OR52N4: variants seen among roughly 807,000 people sequenced by gnomAD.
OR52N4 encodes the protein olfactory receptor family 52 subfamily N member 4.
OR52N4 carries 15 observed loss-of-function variants against 15.0 expected under a neutral mutation model. The observed-to-expected ratio is 1.00, with a 90% CI of 0.67 to 1.54. The LOEUF (loss-of-function observed/expected upper bound fraction) is 1.54. Among genes scored for constraint, OR52N4 ranks in the 40% most tolerant of loss-of-function variants. The probability of loss-of-function intolerance (pLI) is 0.00; values close to 1 mark genes in which losing one functional copy is unlikely to be tolerated. For missense variants in OR52N4, 421 were observed against 394.0 expected (o/e 1.07, Z -0.58); for synonymous variants, 143 against 143.7 (o/e 1.00, Z 0.03).
At chr11:5,731,465 T>C in the OR52N4 span, among the ~76,000 whole-genome samples, 1 of 152,208 alleles carries the variant, frequency 6.6e-6, no homozygotes, top group Non-Finnish European at 1.5e-5. Flanking sequence ...GTTGTGTACG[T>C]CTCAGAATTG....
the OR52N4 span, among the ~76,000 whole-genome samples, chr11:5,729,544 T>C: frequency 6.6e-6 from 1 of 152,354 alleles, no homozygotes; most frequent in East Asian, 1.9e-4. Flanking sequence ...ACCCCAACTG[T>C]GTAACAATCT....
upstream of OR52N4, among the ~76,000 whole-genome samples, chr11:5,753,495 A>G (rs1854229879): frequency 6.6e-6 from 1 of 152,096 alleles, no homozygotes; most frequent in African/African-American, 2.4e-5. Flanking sequence ...AGTACTTTAT[A>G]TATTTTCTGT....
the OR52N4 span, chr11:5,736,673 C>T: frequency 2.5e-6 from 4 of 1,613,868 alleles, no homozygotes; most frequent in African/African-American, 2.7e-5. Context: ...TGCAAACACC[C>T]TCATCCTCAT....
the OR52N4 span, among the ~76,000 whole-genome samples, chr11:5,732,000 A>G: frequency 6.6e-6 from 1 of 152,188 alleles, no homozygotes; most frequent in Non-Finnish European, 1.5e-5. Context: ...AGTCTAATTA[A>G]CATAACTATC....
chr11:5,736,622 C>G, the OR52N4 span: 1 of 1,614,026 alleles, frequency 6.2e-7, no homozygotes, highest in African/African-American at 1.3e-5. Flanking sequence ...GCAACACTGG[C>G]TATCTCTGCC....
the OR52N4 span, among the ~76,000 whole-genome samples, chr11:5,730,605 T>C: frequency 1.3e-5 from 2 of 152,090 alleles, no homozygotes; most frequent in African/African-American, 4.8e-5. Flanking sequence ...TTTTCTTTCA[T>C]GTCTCTAATG....
At chr11:5,737,547 T>C in the OR52N4 span, 2 of 1,498,430 alleles carry the variant, frequency 1.3e-6, no homozygotes, top group East Asian at 2.3e-5. Context: ...GATAGTAAAA[T>C]TTCAAAGAGG....
At chr11:5,731,306 A>G in the OR52N4 span, among the ~76,000 whole-genome samples, 1 of 152,192 alleles carries the variant, frequency 6.6e-6, no homozygotes, top group South Asian at 2.1e-4. Context: ...CTTCTCATTC[A>G]TTGTAAATGA....
Position 5,755,556 on chromosome 11 carries a change from C to T in OR52N4, c.816C>T (p.Pro272=). 1 of 1,613,914 alleles carries T rather than the reference C, an allele frequency of 6.2e-7. No individual in the cohort carries two copies. The highest frequency in any genetic ancestry group is 1.1e-5 in the South Asian group (1 of 91,088). The change falls in exon 2 of 2, where the codon CCC becomes CCT. Residue 272 remains proline, a synonymous_variant. Transcript: ENST00000641350. Reference sequence around the variant, plus strand: ...ACCGCTTTGGGGAACACATAATCCCCCCTTCTTGCCACATCATTGTAGCCA... The same window carrying T: ...ACCGCTTTGGGGAACACATAATCCCTCCTTCTTGCCACATCATTGTAGCCA... The part of the protein sequence containing the change: ...FSHRFGEHII[P]PSCHIIVANI...
chr11:5,731,418 G>A, the OR52N4 span, among the ~76,000 whole-genome samples: 3 of 152,198 alleles, frequency 2.0e-5, no homozygotes, highest in Non-Finnish European at 2.9e-5. Flanking sequence ...ATTATTTGAT[G>A]TAATACAGTA....
At chr11:5,741,598 G>A in the OR52N4 span, among the ~76,000 whole-genome samples, 2 of 152,188 alleles carry the variant, frequency 1.3e-5, no homozygotes, top group Non-Finnish European at 2.9e-5. Flanking sequence ...ATTCACCAAT[G>A]AATGCACAAA....
chr11:5,730,145 T>G, the OR52N4 span, among the ~76,000 whole-genome samples: 1 of 152,132 alleles, frequency 6.6e-6, no homozygotes, highest in Admixed American at 6.5e-5. Flanking sequence ...AACCAGAAGT[T>G]GATGTTTCCA....
At chr11:5,739,017 C>T in the OR52N4 span, among the ~76,000 whole-genome samples, 3 of 127,178 alleles carry the variant, frequency 2.4e-5, 1 homozygote, top group African/African-American at 8.5e-5. Flanking sequence ...TAAACCCTAT[C>T]AGTTTTCAGG....
At chr11:5,753,662 A>G (rs187556253), upstream of OR52N4, among the ~76,000 whole-genome samples, 663 of 152,164 alleles carry the variant, frequency 4.4e-3, 5 homozygotes, top group Non-Finnish European at 7.9e-3. Context: ...TTATGGGTGT[A>G]TGAGATATTT....
Position 5,755,804 on chromosome 11 carries a change from T to C in OR52N4, c.*98T>C. 7.1e-7 allele frequency: 1 copy of C among 1,411,042 alleles called. No homozygotes were observed. Among genetic ancestry groups the C allele is most frequent in the Non-Finnish European group, 9.5e-7 (1 of 1,054,306 alleles). The allele number at this position is 1,411,042 out of a possible 1,614,324, so 87.4% of individuals were successfully genotyped here. On this transcript the variant is annotated 3_prime_UTR_variant, in exon 2 of 2. Coordinates refer to ENST00000641350, the MANE Select transcript of OR52N4 (RefSeq NM_001005175.5). ...AATCTTTCTGGAAGCACTGTATTGA[T>C]CACAAAATGGAGTTTGTTAACTGGT... is the stretch of plus-strand genomic sequence containing the variant.
rs1854250402 is a variant in OR52N4 at position 5,754,261 on chromosome 11, T to C, written c.-93T>C. 1 of 153,282 alleles carries C rather than the reference T, an allele frequency of 6.5e-6. No homozygotes were observed. Among genetic ancestry groups the C allele is most frequent in the South Asian group, 2.1e-4 (1 of 4,872 alleles). The allele number at this position is 153,282 out of a possible 1,614,324, so 9.5% of individuals were successfully genotyped here. On this transcript the variant is annotated 5_prime_UTR_variant, in exon 1 of 2. Coordinates refer to ENST00000641350, the MANE Select transcript of OR52N4 (RefSeq NM_001005175.5). ...ATAAATATCAGTCAGTCATTAAGAATAAAAATTAAAAAGTCAACATCTCAT... is the reference window on the plus strand; with the variant it reads ...ATAAATATCAGTCAGTCATTAAGAACAAAAATTAAAAAGTCAACATCTCAT...
chr11:5,754,417 T>G (rs978707220), intron 1 of OR52N4, 112 bp downstream of exon 1: 1 of 243,710 alleles, frequency 4.1e-6, no homozygotes, highest in Admixed American at 5.0e-5. Context: ...TTATACTTGA[T>G]TATAAATCTA....
At chr11:5,749,960 G>A (rs1230551637), upstream of OR52N4, among the ~76,000 whole-genome samples, 1 of 151,928 alleles carries the variant, frequency 6.6e-6, no homozygotes, top group African/African-American at 2.4e-5. Context: ...GCATACGTTT[G>A]TACTTATTAA....
At chr11:5,751,146 T>C (rs1443053235), upstream of OR52N4, among the ~76,000 whole-genome samples, 2 of 152,078 alleles carry the variant, frequency 1.3e-5, no homozygotes, top group African/African-American at 4.8e-5. Context: ...TTCTTTTTTC[T>C]AGTATTAGTA....
Sources: allele counts gnomAD v4.1 joint callset (sites outside exome capture counted in the v4.1 genomes callset), GRCh38; gene constraint gnomAD v4.1.1; transcripts MANE v1.5; gene names NCBI Gene and HGNC (gene_info 2026-07-23, HGNC 2026-07-21).